Variants in SCAMP1 observed in about 807,000 individuals in gnomAD.
SCAMP1 encodes the protein secretory carrier-associated membrane protein 1.
A neutral mutation model predicts 41.8 loss-of-function variants in SCAMP1; 15 were observed. The observed-to-expected ratio is 0.36, with a 90% CI of 0.24 to 0.55. SCAMP1 has a LOEUF of 0.55. Among genes scored for constraint, SCAMP1 ranks in the 20% least tolerant of loss-of-function variants. The pLI, the probability that SCAMP1 is intolerant of heterozygous loss-of-function variation, is 0.86. For missense variants in SCAMP1, 341 were observed against 412.6 expected (o/e 0.83, Z 1.50); for synonymous variants, 135 against 136.8 (o/e 0.99, Z 0.09).
At chr5:78,399,178 T>C (rs749322310) in intron 2 of SCAMP1, among the ~76,000 whole-genome samples, 2 of 152,234 alleles carry the variant, frequency 1.3e-5, no homozygotes, top group Non-Finnish European at 1.5e-5. Flanking sequence ...AATAACATAC[T>C]ATTGTCTGGA....
intron 1 of SCAMP1, among the ~76,000 whole-genome samples, chr5:78,383,137 C>T (rs1333200212): frequency 3.3e-5 from 5 of 152,098 alleles, no homozygotes; most frequent in Non-Finnish European, 7.4e-5. Context: ...GCTGTTTTTG[C>T]AGGAGTAAGT....
chr5:78,455,633 TGTG>T (rs1261513593), intron 7 of SCAMP1, among the ~76,000 whole-genome samples: 13 of 122,054 alleles, frequency 1.1e-4, no homozygotes, highest in African/African-American at 4.3e-4. Context: ...ATAGGTGTGG[TGTG>T]GTGCTGAAAA....
chr5:78,416,344 T>G (rs1396646688), intron 3 of SCAMP1, among the ~76,000 whole-genome samples, 197 bp from the exon 4 acceptor site: 1 of 152,178 alleles, frequency 6.6e-6, no homozygotes, highest in Non-Finnish European at 1.5e-5. Flanking sequence ...CACTGAGAGT[T>G]TCTGGAACCC....
intron 2 of SCAMP1, among the ~76,000 whole-genome samples, chr5:78,407,287 A>C (rs1751957779): frequency 6.6e-6 from 1 of 151,964 alleles, no homozygotes; most frequent in African/African-American, 2.4e-5. Context: ...TTATTATTTC[A>C]TCTTGGTTCT....
intron 1 of SCAMP1, among the ~76,000 whole-genome samples, chr5:78,384,280 A>C (rs764966705): frequency 6.7e-6 from 1 of 148,176 alleles, no homozygotes; most frequent in Non-Finnish European, 1.5e-5. Context: ...ATTTGTGTAC[A>C]TTAATGTTGT....
intron 8 of SCAMP1, among the ~76,000 whole-genome samples, chr5:78,474,089 C>T (rs1006421197): frequency 2.0e-5 from 3 of 151,560 alleles, no homozygotes; most frequent in East Asian, 1.9e-4. Flanking sequence ...TTTTTGGAGA[C>T]GTATATTGCC....
chr5:78,423,001 AAC>A (rs1169590412), intron 6 of SCAMP1, among the ~76,000 whole-genome samples: 15 of 135,582 alleles, frequency 1.1e-4, no homozygotes, highest in Admixed American at 6.4e-4. Context: ...CAGAATGTGT[AAC>A]ACACGCGCGC....
chr5:78,376,826 TTTTG>T (rs1375888165), intron 1 of SCAMP1, among the ~76,000 whole-genome samples: 1 of 152,096 alleles, frequency 6.6e-6, no homozygotes, highest in African/African-American at 2.4e-5. Context: ...GGAGGGATTT[TTTTG>T]TTTGTTTGTT....
chr5:78,452,634 T>C (rs1753268396), intron 7 of SCAMP1, among the ~76,000 whole-genome samples: 1 of 151,618 alleles, frequency 6.6e-6, no homozygotes, highest in Non-Finnish European at 1.5e-5. Flanking sequence ...TTGTGAATAA[T>C]GCTGCAATAA....
intron 2 of SCAMP1, among the ~76,000 whole-genome samples, chr5:78,404,291 A>T (rs1751874563): frequency 6.6e-6 from 1 of 151,938 alleles, no homozygotes; most frequent in Non-Finnish European, 1.5e-5. Flanking sequence ...GGATGGGACT[A>T]CAGGCATGTG....
intron 7 of SCAMP1, 21 bp from the exon 8 acceptor site, chr5:78,459,224 A>G (rs763976468): frequency 1.8e-6 from 2 of 1,139,066 alleles, no homozygotes; most frequent in South Asian, 1.3e-5. Flanking sequence ...TTGCCTAATT[A>G]CACTTTTTAT....
At chr5:78,376,513 G>C (rs907797657) in intron 1 of SCAMP1, among the ~76,000 whole-genome samples, 1 of 152,152 alleles carries the variant, frequency 6.6e-6, no homozygotes, top group Non-Finnish European at 1.5e-5. Flanking sequence ...TTTGTCTCCA[G>C]TTCTTAGCAG....
At chr5:78,423,020 A>G (rs981148369) in intron 6 of SCAMP1, among the ~76,000 whole-genome samples, 557 of 7,390 alleles carry the variant, frequency 0.075, 4 homozygotes, top group African/African-American at 0.34. Context: ...GCGCGCGCAC[A>G]CACACACACA....
At chr5:78,423,014 GCGCACACACA>G (rs2112150442) in intron 6 of SCAMP1, among the ~76,000 whole-genome samples, 1 of 9,746 alleles carries the variant, frequency 1.0e-4, no homozygotes, top group South Asian at 4.2e-3. Context: ...ACACGCGCGC[GCGCACACACA>G]CACACACACA....
At chr5:78,430,237 G>A (rs144318253) in intron 6 of SCAMP1, among the ~76,000 whole-genome samples, 28 of 110,504 alleles carry the variant, frequency 2.5e-4, no homozygotes, top group East Asian at 1.9e-3. Flanking sequence ...TATAAATACA[G>A]TATTTATTTA....
chr5:78,453,687 A>C (rs546661824), intron 7 of SCAMP1, among the ~76,000 whole-genome samples: 6 of 152,180 alleles, frequency 3.9e-5, no homozygotes, highest in African/African-American at 9.7e-5. Flanking sequence ...TTGGTTCCAT[A>C]TGAACTTTAA....
intron 7 of SCAMP1, among the ~76,000 whole-genome samples, chr5:78,451,338 C>T (rs1313966005): frequency 6.6e-6 from 1 of 152,110 alleles, no homozygotes; most frequent in African/African-American, 2.4e-5. Context: ...CTGTTTCACC[C>T]AATGGTAATA....
chr5:78,363,320 CT>C (rs1451943958), intron 1 of SCAMP1, among the ~76,000 whole-genome samples: 1 of 151,974 alleles, frequency 6.6e-6, no homozygotes, highest in Non-Finnish European at 1.5e-5. Flanking sequence ...TCACACCATT[CT>C]CCTGCCTCAG....
In SCAMP1 at chr5:78,459,363, G is replaced by A; in HGVS notation, c.852+1G>A. On this transcript the variant is annotated splice_donor_variant, in intron 8 of 8. Coordinates refer to ENST00000621999, the MANE Select transcript of SCAMP1 (RefSeq NM_004866.6). LOFTEE classifies it high-confidence loss of function. ...CATCTCACTAGTTATGTTCAAAAAA[G>A]TAAGTGAAATTTTATGTCTAAATTT... is the stretch of plus-strand genomic sequence containing the variant. 7.1e-7 allele frequency: 1 copy of A among 1,415,418 alleles called. No individual in the cohort carries two copies. Among genetic ancestry groups the A allele is most frequent in the Non-Finnish European group, 9.9e-7 (1 of 1,009,096 alleles). 87.7% of individuals were successfully genotyped at this position (1,415,418 alleles called of 1,614,324 possible).
Sources: gnomAD v4.1 joint callset for allele counts (sites outside exome capture counted in the v4.1 genomes callset) on GRCh38, gnomAD v4.1.1 for gene constraint, MANE v1.5 for transcripts, NCBI Gene and HGNC (gene_info 2026-07-23, HGNC 2026-07-21) for gene names.